TNXB: variants seen among roughly 807,000 people sequenced by gnomAD.
TNXB encodes the protein tenascin-X.
TNXB carries 183 observed loss-of-function variants against 340.5 expected under a neutral mutation model. The ratio of observed to expected loss-of-function variants is 0.54; its 90% CI spans 0.48 to 0.61. The LOEUF (loss-of-function observed/expected upper bound fraction) is 0.61. Ranked by LOEUF, TNXB falls within the 20% of genes least tolerant of loss-of-function variation. The pLI, the probability that TNXB is intolerant of heterozygous loss-of-function variation, is 0.00. For synonymous variants in TNXB, 2,121 were observed against 2,314.5 expected, an observed-to-expected ratio of 0.92 and a Z score of 2.40; for missense variants, 4,613 against 5,446.4, an observed-to-expected ratio of 0.85 and a Z score of 4.82.
rs764070148 is a variant in TNXB at position 32,084,566 on chromosome 6, CTT to C, written c.3290_3291del (p.Lys1097ArgfsTer48). Reference sequence around the variant, plus strand: ...ACCACCTGGGGCTGCCCGTCCCTGTCTTTGTACTGGATCACGAAGGAGTCAAA... The same window carrying C: ...ACCACCTGGGGCTGCCCGTCCCTGTCTGTACTGGATCACGAAGGAGTCAAA... ...GEFDSFVIQY[K>X]DRDGQPQVVP... On this transcript the variant is annotated frameshift_variant, in exon 8 of 44. Transcript: ENST00000644971. LOFTEE classifies it high-confidence loss of function. This position sits in a 1 kb window ranked among gnomAD's most constrained non-coding sequence, Gnocchi z 5.5. 27 of 1,608,920 alleles carry C rather than the reference CTT, an allele frequency of 1.7e-5. No homozygotes were observed. The highest frequency in any genetic ancestry group is 2.3e-5 in the Non-Finnish European group (27 of 1,178,706).
At chr6:32,100,754 CA>C (rs1324739439) in intron 1 of TNXB, among the ~76,000 whole-genome samples, 1 of 151,724 alleles carries the variant, frequency 6.6e-6, no homozygotes, top group African/African-American at 2.4e-5. Context: ...AAAAACAAAA[CA>C]AAATTTCAGG....
Position 32,080,619 on chromosome 6 carries a change from G to A in TNXB, c.4042+749C>T. On this transcript the variant is annotated intron_variant, in intron 10 of 43. Coordinates refer to ENST00000644971, the MANE Select transcript of TNXB (RefSeq NM_001365276.2). This position sits in a 1 kb window ranked among gnomAD's most constrained non-coding sequence, Gnocchi z 4.3. Reference sequence around the variant, plus strand: ...GAAAGCTGAGGCACAGAGAGGTTAAGCAATTTGCACAAGGTCCTACAGGAA... The same window carrying A: ...GAAAGCTGAGGCACAGAGAGGTTAAACAATTTGCACAAGGTCCTACAGGAA... Among the ~76,000 whole-genome samples, 1 of 152,236 alleles carries A rather than the reference G, an allele frequency of 6.6e-6. No individual in the cohort carries two copies. Among genetic ancestry groups the A allele is most frequent in the East Asian group, 1.9e-4 (1 of 5,204 alleles).
chr6:32,099,242 T>G (rs1780588658), intron 1 of TNXB, among the ~76,000 whole-genome samples: 1 of 151,918 alleles, frequency 6.6e-6, no homozygotes, highest in Non-Finnish European at 1.5e-5. Context: ...TCACTTTTTT[T>G]TTTTTTTTTG....
chr6:32,089,238 T>C lies in TNXB; in HGVS notation c.2500A>G (p.Lys834Glu). The C allele has an allele frequency of 6.2e-7, 1 of 1,603,642 alleles. No individual in the cohort carries two copies. Among genetic ancestry groups the C allele is most frequent in the Non-Finnish European group, 8.5e-7 (1 of 1,175,546 alleles). ...CAGCTCTCACTGGTGGTGATGGTCTTGGAGGCAGGAAGGCCCCAGCTGGTC... is the reference window on the plus strand; with the variant it reads ...CAGCTCTCACTGGTGGTGATGGTCTCGGAGGCAGGAAGGCCCCAGCTGGTC... The part of the protein sequence containing the change: ...RGTSWGLPAS[K>E]TITTMIDGPQ... The change falls in exon 5 of 44, where the codon AAG (lysine) becomes GAG (glutamate). Residue 834 changes from lysine to glutamate, a missense_variant. Physicochemically the swap from Lys to Glu is moderately conservative, Grantham distance 56. Coordinates refer to ENST00000644971, the MANE Select transcript of TNXB (RefSeq NM_001365276.2). The surrounding 1 kb of genome is among the most constrained non-coding windows in gnomAD (Gnocchi z 6.2).
chr6:32,057,070 C>T (rs918600614), intron 22 of TNXB, among the ~76,000 whole-genome samples, 167 bp from the exon 23 acceptor site: 1 of 151,996 alleles, frequency 6.6e-6, no homozygotes, highest in African/African-American at 2.4e-5. Context: ...TTTCCTATCC[C>T]TCACCCTGAC....
Position 32,086,107 on chromosome 6 carries a change from A to G in TNXB, c.2791T>C (p.Leu931=). 1 of 1,537,280 alleles carries G rather than the reference A, an allele frequency of 6.5e-7. No homozygotes were observed. The highest frequency in any genetic ancestry group is 2.0e-5 in the Admixed American group (1 of 50,192). The change falls in exon 7 of 44, where the codon TTG becomes CTG. Residue 931 remains leucine, a synonymous_variant. Coordinates refer to ENST00000644971, the MANE Select transcript of TNXB (RefSeq NM_001365276.2). The part of the protein sequence containing the change: ...SVRANTGSSP[L]GLLGTTDEPP... ...TCATCGGTAGTCCCCAAGAGGCCCA[A>G]GGGTGAGGACCCTGGGAAGGGGCAG...
rs909099852 is a variant in TNXB, at chr6:32,064,165, C to T, written c.6841+656G>A. On this transcript the variant is annotated intron_variant, in intron 19 of 43. Coordinates refer to ENST00000644971, the MANE Select transcript of TNXB (RefSeq NM_001365276.2). The surrounding 1 kb of genome is among the most constrained non-coding windows in gnomAD (Gnocchi z 5.3). ...GACAGGTATGGTTATTCCTTCTTTA[C>T]AGATGAGGAAAAGGATGTACAGAGA... Among the ~76,000 whole-genome samples, 7 of 152,102 alleles carry T rather than the reference C, an allele frequency of 4.6e-5. No individual in the cohort carries two copies. The highest frequency in any genetic ancestry group is 8.8e-5 in the Non-Finnish European group (6 of 68,016).
At position 32,078,447 on chromosome 6, in the gene TNXB, CAAA is replaced by C. The variant is rs755788673; in HGVS notation, c.4375+583_4375+585del. Reference sequence around the variant, plus strand: ...TGGGCAACAGAGTGAGACTCTGTCTCAAAAAAAAAAAAAAAAAAAAAAAGACAA... The same window carrying C: ...TGGGCAACAGAGTGAGACTCTGTCTCAAAAAAAAAAAAAAAAAAAAGACAA... On this transcript the variant is annotated intron_variant, in intron 11 of 43. Transcript: ENST00000644971. The C allele has an allele frequency of 1.5e-3, 84 of 57,244 alleles. No individual in the cohort carries two copies. The East Asian group carries it at 0.032, about 22-fold the overall frequency. The allele number at this position is 57,244 out of a possible 1,614,324, so 3.5% of individuals were successfully genotyped here. A position where few individuals can be genotyped will look rare whatever the true frequency, so the allele number is the denominator to read the frequency against.
chr6:32,065,005 G>A lies in TNXB; in HGVS notation c.6657C>T (p.Gly2219=). ...SLSLSWTVPE[G]QFDHFLVQFK... is the part of the protein sequence containing the mutation. ...ACTGGACCAAGAAATGGTCAAACTGGCCCTCGGGGACTGTCCAGGAGAGGC... is the reference window on the plus strand; with the variant it reads ...ACTGGACCAAGAAATGGTCAAACTGACCCTCGGGGACTGTCCAGGAGAGGC... Residue 2219 remains glycine, a synonymous_variant, in exon 19 of 44, where the codon GGC becomes GGT. Transcript: ENST00000644971. The A allele has an allele frequency of 6.2e-7, 1 of 1,612,038 alleles. No individual in the cohort carries two copies. The highest frequency in any genetic ancestry group is 2.2e-5 in the East Asian group (1 of 44,870).
Position 32,090,484 on chromosome 6 carries a change from C to T in TNXB, c.2359-1105G>A, listed in dbSNP as rs144545685. Among the ~76,000 whole-genome samples, 1,108 of 152,220 alleles carry T rather than the reference C, an allele frequency of 7.3e-3. 17 individuals are homozygous for T. The highest frequency in any genetic ancestry group is 0.025 in the African/African-American group (1,048 of 41,544). On this transcript the variant is annotated intron_variant, in intron 4 of 43. Transcript: ENST00000644971. This position sits in a 1 kb window ranked among gnomAD's most constrained non-coding sequence, Gnocchi z 4.3. ...TGCTGTGCTGTCCAGCTAGGACAGCCGCTAAGGATGCTGTGTTCTGCCTAG... is the reference window on the plus strand; with the variant it reads ...TGCTGTGCTGTCCAGCTAGGACAGCTGCTAAGGATGCTGTGTTCTGCCTAG...
rs2127251700 is a variant in TNXB, at chr6:32,080,184, C to T, written c.4043-819G>A. On this transcript the variant is annotated intron_variant, in intron 10 of 43. Transcript: ENST00000644971. This position sits in a 1 kb window ranked among gnomAD's most constrained non-coding sequence, Gnocchi z 4.3. ...ATGCTTTGCTGCTCCAAGCACTATT[C>T]TAAGTGTGTGGGCTTTTTTTGTTTT... 6.6e-6 allele frequency among the ~76,000 whole-genome samples: 1 copy of T among 150,484 alleles called. No homozygotes were observed. The highest frequency in any genetic ancestry group is 2.5e-5 in the African/African-American group (1 of 40,810).
rs1296227749 is a variant in TNXB, at chr6:32,072,310, G to T, written c.4682-12C>A. 1 of 1,586,914 alleles carries T rather than the reference G, an allele frequency of 6.3e-7. No individual in the cohort carries two copies. Among genetic ancestry groups the T allele is most frequent in the Admixed American group, 1.7e-5 (1 of 58,492 alleles). On this transcript the variant is annotated splice_polypyrimidine_tract_variant and intron_variant, in intron 12 of 43. Transcript: ENST00000644971. This position sits in a 1 kb window ranked among gnomAD's most constrained non-coding sequence, Gnocchi z 4.4. Reference sequence around the variant, plus strand: ...TGGTGGGAGGGGAGCTGGGATTTGGGAAGACAAAGAACATGGTTGAGATCT... The same window carrying T: ...TGGTGGGAGGGGAGCTGGGATTTGGTAAGACAAAGAACATGGTTGAGATCT...
Position 32,055,874 on chromosome 6 carries a change from G to A in TNXB, c.8444C>T (p.Pro2815Leu), listed in dbSNP as rs767227650. 13 of 1,612,382 alleles carry A rather than the reference G, an allele frequency of 8.1e-6. No homozygotes were observed. The highest frequency in any genetic ancestry group is 1.7e-4 in the Middle Eastern group (1 of 6,054). The change falls in exon 24 of 44, where the codon CCG becomes CTG. Residue 2815 changes from proline (P) to leucine (L), a missense_variant. Physicochemically the swap from Pro to Leu is moderately conservative, Grantham distance 98. Transcript: ENST00000644971. ...ACCTGTCACACCCACGGTGGACACCGGGCCCACACGCCGCCCCTCGTGGAG... is the reference window on the plus strand; with the variant it reads ...ACCTGTCACACCCACGGTGGACACCAGGCCCACACGCCGCCCCTCGTGGAG... The part of the protein sequence containing the change: ...YGLHEGRRVG[P>L]VSTVGVTAPE...
In TNXB at chr6:32,096,033, C is replaced by T. The variant is rs1001499731; in HGVS notation, c.1820G>A (p.Cys607Tyr). 6.2e-7 allele frequency: 1 copy of T among 1,613,258 alleles called. No homozygotes were observed. Among genetic ancestry groups the T allele is most frequent in the Non-Finnish European group, 8.5e-7 (1 of 1,179,802 alleles). ...HGVCQDGVCI[C>Y]WEGYVSEDCS... ...GTCCTCACTCACGTAGCCTTCCCAACAGATGCACACACCGTCCTGGCACAC... is the reference window on the plus strand; with the variant it reads ...GTCCTCACTCACGTAGCCTTCCCAATAGATGCACACACCGTCCTGGCACAC... Residue 607 changes from cysteine (C) to tyrosine (Y), a missense_variant, in exon 3 of 44, where the codon TGT (cysteine) becomes TAT (tyrosine). Around this residue, in one of 7 missense-constraint regions of TNXB, gnomAD observed 4,327 missense variants for 4,859.4 expected, o/e 0.89. Transcript: ENST00000644971.
chr6:32,062,256 T>G lies in TNXB; in HGVS notation c.7069A>C (p.Thr2357Pro). The G allele has an allele frequency of 6.2e-7, 1 of 1,613,318 alleles. No individual in the cohort carries two copies. Among genetic ancestry groups the G allele is most frequent in the East Asian group, 2.2e-5 (1 of 44,884 alleles). The change falls in exon 20 of 44, where the codon ACC becomes CCC. Residue 2357 changes from threonine to proline, a missense_variant. Around this residue, in one of 7 missense-constraint regions of TNXB, gnomAD observed 4,327 missense variants for 4,859.4 expected, o/e 0.89. Transcript: ENST00000644971. This position sits in a 1 kb window ranked among gnomAD's most constrained non-coding sequence, Gnocchi z 4.3. Reference sequence around the variant, plus strand: ...TTGTCTGGCTCCAGGCCGGAGATGGTGACCCTGTCCTCATGTCCTGGCACC... The same window carrying G: ...TTGTCTGGCTCCAGGCCGGAGATGGGGACCCTGTCCTCATGTCCTGGCACC... ...TRVPGHEDRV[T>P]ISGLEPDNKY... is the part of the protein sequence containing the mutation.
chr6:32,061,523 G>A lies in TNXB; in HGVS notation c.7366C>T (p.Arg2456Cys), dbSNP rs780042565. 75 of 1,613,464 alleles carry A rather than the reference G, an allele frequency of 4.6e-5. No homozygotes were observed. The highest frequency in any genetic ancestry group is 5.5e-5 in the Non-Finnish European group (65 of 1,179,892). Residue 2456 changes from arginine (R) to cysteine (C), a missense_variant, in exon 21 of 44, where the codon CGT (arginine) becomes TGT (cysteine). Transcript: ENST00000644971. The surrounding 1 kb of genome is among the most constrained non-coding windows in gnomAD (Gnocchi z 4.4). ...KDRDGRPQVV[R>C]VGGEESEVTV... The stretch of plus-strand genomic sequence containing the variant: ...ACCTCGCTCTCCTCGCCCCCAACAC[G>A]CACCACCTGGGGCCGCCCGTCCCTG...
In TNXB at chr6:32,070,522, A is replaced by G. The variant is rs1778712232; in HGVS notation, c.4991-108T>C. 3 of 1,203,646 alleles carry G rather than the reference A, an allele frequency of 2.5e-6. No homozygotes were observed. The highest frequency in any genetic ancestry group is 3.4e-6 in the Non-Finnish European group (3 of 882,584). 74.6% of individuals were successfully genotyped at this position (1,203,646 alleles called of 1,614,324 possible). A position where few individuals can be genotyped will look rare whatever the true frequency, so the allele number is the denominator to read the frequency against. The stretch of plus-strand genomic sequence containing the variant: ...TGCCCAAATGCTCAGTGCTTCCCCA[A>G]AATATTTCCATCACCTCCCATCCTC... On this transcript the variant is annotated intron_variant, in intron 13 of 43. Coordinates refer to ENST00000644971, the MANE Select transcript of TNXB (RefSeq NM_001365276.2). The surrounding 1 kb of genome is among the most constrained non-coding windows in gnomAD (Gnocchi z 6.0).
At chr6:32,054,898 A>G (rs1185953199) in intron 24 of TNXB, among the ~76,000 whole-genome samples, 2 of 152,240 alleles carry the variant, frequency 1.3e-5, no homozygotes, top group East Asian at 3.8e-4. Context: ...TTCATGGAAC[A>G]TCAACATCAG....
rs1434276295 is a variant in TNXB, at chr6:32,097,896, C to T, written c.303G>A (p.Gln101=). Reference sequence around the variant, plus strand: ...GGATCTCTAGACGGACCCTCAGGGCCTGTACCTCTGAAGCAAGGACTGGGG... The same window carrying T: ...GGATCTCTAGACGGACCCTCAGGGCTTGTACCTCTGAAGCAAGGACTGGGG... ...TEPPVLASEV[Q]ALRVRLEILE... is the part of the protein sequence containing the mutation. Residue 101 remains glutamine, a synonymous_variant, in exon 2 of 44, where the codon CAG becomes CAA. Transcript: ENST00000644971. The surrounding 1 kb of genome is among the most constrained non-coding windows in gnomAD (Gnocchi z 5.9). 6.3e-7 allele frequency: 1 copy of T among 1,583,516 alleles called. No individual in the cohort carries two copies. The highest frequency in any genetic ancestry group is 2.3e-5 in the East Asian group (1 of 44,186).
Sources: gnomAD v4.1 joint callset for allele counts (sites outside exome capture counted in the v4.1 genomes callset) on GRCh38, gnomAD v4.1.1 for gene constraint, gnomAD v4.1.1 regional missense constraint, Gnocchi (gnomAD v3.1) non-coding constraint, MANE v1.5 for transcripts, NCBI Gene and HGNC (gene_info 2026-07-23, HGNC 2026-07-21) for gene names.